The following ASIC2 variants were observed in gnomAD, a reference collection of about 807,000 sequenced individuals.
The protein encoded by ASIC2 is acid-sensing ion channel 2.
In ASIC2, 25 loss-of-function variants were observed where a neutral mutation model predicts 57.3. That is an observed-to-expected ratio of 0.44 (90% CI 0.32 to 0.61). ASIC2 has a LOEUF of 0.61. ASIC2 is among the 20% of genes least tolerant of loss of function. ASIC2 has a pLI of 0.06. For missense variants in ASIC2, 641 were observed against 738.1 expected, an observed-to-expected ratio of 0.87 and a Z score of 1.52; for synonymous variants, 319 against 307.5, an observed-to-expected ratio of 1.04 and a Z score of -0.39.
At chr17:33,798,467 G>A (rs1483448656) in intron 1 of ASIC2, among the ~76,000 whole-genome samples, 1 of 152,174 alleles carries the variant, frequency 6.6e-6, no homozygotes, top group East Asian at 1.9e-4. Context: ...TGATGGAACA[G>A]CCCAAAGCAC....
chr17:34,051,315 G>A (rs193050889), intron 1 of ASIC2, among the ~76,000 whole-genome samples: 2 of 152,250 alleles, frequency 1.3e-5, no homozygotes, highest in African/African-American at 4.8e-5. Flanking sequence ...GCAGGGCTGT[G>A]GTGGAAAATG....
At chr17:34,094,044 A>C (rs1302456263) in intron 1 of ASIC2, among the ~76,000 whole-genome samples, 2 of 152,170 alleles carry the variant, frequency 1.3e-5, no homozygotes, top group African/African-American at 2.4e-5. Context: ...CTGAAAGTGG[A>C]TATTGACAGG....
intron 2 of ASIC2, among the ~76,000 whole-genome samples, chr17:33,100,877 A>C (rs1451216450): frequency 6.6e-6 from 1 of 152,180 alleles, no homozygotes; most frequent in Non-Finnish European, 1.5e-5. Context: ...GAACACACGT[A>C]TTTTCTGCAT....
chr17:33,847,899 C>A (rs1913655813), intron 1 of ASIC2, among the ~76,000 whole-genome samples: 1 of 152,080 alleles, frequency 6.6e-6, no homozygotes, highest in Non-Finnish European at 1.5e-5. Flanking sequence ...GTACAGGAAG[C>A]ATCTGGGCAG....
intron 1 of ASIC2, among the ~76,000 whole-genome samples, chr17:33,115,786 T>C (rs1327926894): frequency 6.6e-6 from 1 of 152,202 alleles, no homozygotes; most frequent in South Asian, 2.1e-4. Flanking sequence ...GTTGGATGTG[T>C]TTTCTACCAG....
chr17:33,156,807 C>G (rs944520766), intron 1 of ASIC2, among the ~76,000 whole-genome samples: 2 of 152,004 alleles, frequency 1.3e-5, no homozygotes, highest in Non-Finnish European at 2.9e-5. Context: ...TTGGGTTAGG[C>G]TGCAGCCAGA....
At chr17:33,412,942 C>T (rs563183546) in intron 1 of ASIC2, among the ~76,000 whole-genome samples, 29 of 152,286 alleles carry the variant, frequency 1.9e-4, no homozygotes, top group Non-Finnish European at 3.2e-4. Context: ...GAACCCCCCA[C>T]CTGCTGCCCA....
intron 1 of ASIC2, among the ~76,000 whole-genome samples, chr17:33,416,512 G>A (rs1910845874): frequency 6.6e-6 from 1 of 152,196 alleles, no homozygotes; most frequent in South Asian, 2.1e-4. Flanking sequence ...GGCAGTCCCT[G>A]ATAGGAGTGG....
chr17:33,711,576 A>G (rs1909037039), intron 1 of ASIC2, among the ~76,000 whole-genome samples: 1 of 152,182 alleles, frequency 6.6e-6, no homozygotes, highest in South Asian at 2.1e-4. Context: ...AAAGAGGTTT[A>G]ATTGACTCAC....
intron 1 of ASIC2, among the ~76,000 whole-genome samples, chr17:33,112,993 C>T (rs2092265682): frequency 6.6e-6 from 1 of 152,184 alleles, no homozygotes; most frequent in African/African-American, 2.4e-5. Context: ...CTGAGTCCAG[C>T]AGCATCCACT....
chr17:33,114,137 C>T (rs1021255412), intron 1 of ASIC2, among the ~76,000 whole-genome samples: 1 of 152,196 alleles, frequency 6.6e-6, no homozygotes, highest in Admixed American at 6.5e-5. Context: ...AGTCCCTGGC[C>T]AGCTGCACTA....
chr17:33,351,598 A>G (rs1908184011), intron 1 of ASIC2, among the ~76,000 whole-genome samples: 1 of 152,226 alleles, frequency 6.6e-6, no homozygotes, highest in East Asian at 1.9e-4. Flanking sequence ...CCTCTCACAC[A>G]TACTGTATTT....
intron 1 of ASIC2, among the ~76,000 whole-genome samples, chr17:33,674,264 G>A (rs1359965354): frequency 6.6e-6 from 1 of 152,054 alleles, no homozygotes; most frequent in African/African-American, 2.4e-5. Context: ...CCGACAGTGG[G>A]GAGTCCCCTC....
chr17:33,725,725 C>A (rs541673310), intron 1 of ASIC2, among the ~76,000 whole-genome samples: 10 of 144,300 alleles, frequency 6.9e-5, no homozygotes, highest in Non-Finnish European at 1.5e-4. Flanking sequence ...TAAGAAACCC[C>A]CCCCCCCTTT....
chr17:33,273,081 TAGG>T (rs1241510205), intron 1 of ASIC2, among the ~76,000 whole-genome samples: 2 of 152,174 alleles, frequency 1.3e-5, no homozygotes, highest in East Asian at 3.9e-4. Context: ...TCTGGCAATG[TAGG>T]AGAAGAGATA....
intron 1 of ASIC2, among the ~76,000 whole-genome samples, chr17:33,165,135 G>A (rs1905269805): frequency 6.6e-6 from 1 of 152,170 alleles, no homozygotes; most frequent in Non-Finnish European, 1.5e-5. Context: ...ATCCTATTCT[G>A]GACCCCGAGT....
At chr17:33,346,870 C>G (rs965579888) in intron 1 of ASIC2, among the ~76,000 whole-genome samples, 1 of 152,068 alleles carries the variant, frequency 6.6e-6, no homozygotes, top group Non-Finnish European at 1.5e-5. Context: ...GGGATGAGAC[C>G]TGAAAGTCAC....
chr17:33,209,220 T>G (rs1907183315), intron 1 of ASIC2, among the ~76,000 whole-genome samples: 1 of 152,212 alleles, frequency 6.6e-6, no homozygotes, highest in Non-Finnish European at 1.5e-5. Flanking sequence ...CTCCCAGTCT[T>G]CTGCCATGTC....
At chr17:33,199,880 AC>A (rs1263426947) in intron 1 of ASIC2, among the ~76,000 whole-genome samples, 1 of 152,072 alleles carries the variant, frequency 6.6e-6, no homozygotes, top group Non-Finnish European at 1.5e-5. Flanking sequence ...GGTCCTGAGG[AC>A]AAAATCCACA....
Sources: allele counts gnomAD v4.1 joint callset (sites outside exome capture counted in the v4.1 genomes callset), GRCh38; gene constraint gnomAD v4.1.1; transcripts MANE v1.5; gene names NCBI Gene and HGNC (gene_info 2026-07-23, HGNC 2026-07-21).